Variants in DAB2 observed in about 807,000 individuals in gnomAD.
The protein encoded by DAB2 is disabled homolog 2.
A neutral mutation model predicts 71.6 loss-of-function variants in DAB2; 28 were observed. That is an observed-to-expected ratio of 0.39 (90% confidence interval 0.29 to 0.54). DAB2 has a LOEUF of 0.54. Ranked by LOEUF, DAB2 falls within the 20% of genes least tolerant of loss-of-function variation. DAB2 has a pLI of 0.68. For synonymous variants in DAB2, 345 were observed against 339.7 expected (o/e 1.02, Z -0.17); for missense variants, 867 against 928.8 (o/e 0.93, Z 0.86).
chr5:39,389,420 C>T (rs62358400), intron 6 of DAB2, among the ~76,000 whole-genome samples: 3,891 of 152,204 alleles, frequency 0.026, 70 homozygotes, highest in South Asian at 0.07. Context: ...GTATCCATTG[C>T]CCTATTGGGA....
intron 1 of DAB2, among the ~76,000 whole-genome samples, chr5:39,398,785 A>G (rs978742937): frequency 6.6e-6 from 1 of 152,202 alleles, no homozygotes; most frequent in African/African-American, 2.4e-5. Flanking sequence ...AGGTTTAAAG[A>G]GCACGTCCCC....
chr5:39,388,775 C>T (rs1755155391), intron 8 of DAB2, 24 bp downstream of exon 8: 2 of 1,600,654 alleles, frequency 1.2e-6, no homozygotes, highest in East Asian at 4.5e-5. Flanking sequence ...TAAGAACTGT[C>T]AAACGTCACA....
Position 39,388,865 on chromosome 5 carries a change from C to G in DAB2, c.571-13G>C, listed in dbSNP as rs2548573. On this transcript the variant is annotated splice_polypyrimidine_tract_variant and intron_variant, in intron 7 of 14. Coordinates refer to ENST00000320816, the MANE Select transcript of DAB2 (RefSeq NM_001343.4). The stretch of plus-strand genomic sequence containing the variant: ...CCTCACTCCCATTCTGAAAAGATAG[C>G]AAATATTTAAGGATTTAGTTGAGCT... 1 of 1,608,144 alleles carries G rather than the reference C, an allele frequency of 6.2e-7. No homozygotes were observed. Among genetic ancestry groups the G allele is most frequent in the Non-Finnish European group, 8.5e-7 (1 of 1,174,772 alleles).
chr5:39,404,127 T>C (rs1755558555), intron 1 of DAB2, among the ~76,000 whole-genome samples: 1 of 151,786 alleles, frequency 6.6e-6, no homozygotes, highest in South Asian at 2.1e-4. Context: ...TTTATAATCC[T>C]TTGGGTATAT....
Position 39,376,113 on chromosome 5 carries a change from G to A in DAB2, c.2138-7C>T. 2 of 1,611,196 alleles carry A rather than the reference G, an allele frequency of 1.2e-6. No homozygotes were observed. Among genetic ancestry groups the A allele is most frequent in the Middle Eastern group, 1.7e-4 (1 of 6,052 alleles). Reference sequence around the variant, plus strand: ...GGAGCTGGCTTTGGTGGTTCTAGAAGGTAAAAAATCCAGGCAATCAGTAGA... The same window carrying A: ...GGAGCTGGCTTTGGTGGTTCTAGAAAGTAAAAAATCCAGGCAATCAGTAGA... On this transcript the variant is annotated splice_polypyrimidine_tract_variant and splice_region_variant and intron_variant, in intron 12 of 14. Coordinates refer to ENST00000320816, the MANE Select transcript of DAB2 (RefSeq NM_001343.4).
chr5:39,409,225 A>G (rs1755669553), intron 1 of DAB2, among the ~76,000 whole-genome samples: 1 of 152,170 alleles, frequency 6.6e-6, no homozygotes, highest in Non-Finnish European at 1.5e-5. Context: ...TAAAGTTCAC[A>G]TCTGTCATTA....
chr5:39,402,152 A>T (rs1036229500), intron 1 of DAB2, among the ~76,000 whole-genome samples: 10 of 152,106 alleles, frequency 6.6e-5, no homozygotes, highest in African/African-American at 2.4e-4. Context: ...TGCCCCCATG[A>T]TTCAATTACC....
intron 1 of DAB2, among the ~76,000 whole-genome samples, chr5:39,404,365 G>A (rs1391868678): frequency 6.8e-6 from 1 of 146,036 alleles, no homozygotes; most frequent in African/African-American, 2.5e-5. Context: ...TGCACATTGT[G>A]CACATGTACC....
At chr5:39,412,682 A>G (rs1755758763) in intron 1 of DAB2, among the ~76,000 whole-genome samples, 1 of 152,098 alleles carries the variant, frequency 6.6e-6, no homozygotes, top group African/African-American at 2.4e-5. Context: ...AGTTAAATTT[A>G]CCTAATGTTT....
chr5:39,417,595 ACT>A (rs996054031), intron 1 of DAB2: 4 of 151,982 alleles, frequency 2.6e-5, no homozygotes, highest in African/African-American at 7.3e-5. Context: ...TCCACACAAC[ACT>A]CTGTACCACT....
intron 2 of DAB2, among the ~76,000 whole-genome samples, chr5:39,393,889 G>T (rs1755294259): frequency 6.6e-6 from 1 of 152,124 alleles, no homozygotes; most frequent in Non-Finnish European, 1.5e-5. Context: ...GGTCTGTGTA[G>T]TCCCATTCCC....
chr5:39,404,950 A>C (rs974964704), intron 1 of DAB2, among the ~76,000 whole-genome samples: 2 of 152,220 alleles, frequency 1.3e-5, no homozygotes, highest in African/African-American at 4.8e-5. Flanking sequence ...AGAAGTATTA[A>C]GGTTATGATC....
intron 9 of DAB2, chr5:39,387,680 C>G (rs1226895577): frequency 9.2e-6 from 1 of 109,208 alleles, no homozygotes; most frequent in African/African-American, 3.6e-5. Flanking sequence ...GACCTCTTTC[C>G]TTTTTATTTT....
chr5:39,376,037 T>A lies in DAB2; in HGVS notation c.2207A>T (p.Asn736Ile). The A allele has an allele frequency of 6.2e-7, 1 of 1,614,038 alleles. No individual in the cohort carries two copies. The highest frequency in any genetic ancestry group is 8.5e-7 in the Non-Finnish European group (1 of 1,179,962). ...VTKSTDNAFE[N>I]PFFKDSFGSS... ...ACCAAAAGAATCTTTAAAGAAAGGG[T>A]TCTCAAATGCATTGTCAGTAGATTT... Residue 736 changes from asparagine to isoleucine, a missense_variant, in exon 13 of 15, where the codon AAC becomes ATC. Asn to Ile is a moderately radical substitution (Grantham distance 149). Around this residue, in one of 2 missense-constraint regions of DAB2, gnomAD observed 740 missense variants for 734.3 expected, o/e 1.01. Transcript: ENST00000320816.
Position 39,383,052 on chromosome 5 carries a change from G to A in DAB2, c.907C>T (p.Pro303Ser), listed in dbSNP as rs1181937725. The change falls in exon 10 of 15, where the codon CCA (proline) becomes TCA (serine). Residue 303 changes from proline to serine, a missense_variant. Physicochemically the swap from Pro to Ser is moderately conservative, Grantham distance 74. This residue lies in a region of DAB2 where 740 missense variants were observed against 734.3 expected (regional missense o/e 1.01). Coordinates refer to ENST00000320816, the MANE Select transcript of DAB2 (RefSeq NM_001343.4). Reference sequence around the variant, plus strand: ...AACGAAGAAGGTGTCGATTGGTCTGGCTGTGTGAAAGGATCGTCACGGAAA... The same window carrying A: ...AACGAAGAAGGTGTCGATTGGTCTGACTGTGTGAAAGGATCGTCACGGAAA... Reference protein sequence around the residue: ...DPFRDDPFTQPDQSTPSSFDS... With the variant: ...DPFRDDPFTQSDQSTPSSFDS... The A allele has an allele frequency of 6.2e-7, 1 of 1,613,994 alleles. No individual in the cohort carries two copies. The highest frequency in any genetic ancestry group is 8.5e-7 in the Non-Finnish European group (1 of 1,180,020).
At chr5:39,414,817 T>C (rs535380097) in intron 1 of DAB2, among the ~76,000 whole-genome samples, 9 of 152,276 alleles carry the variant, frequency 5.9e-5, no homozygotes, top group Admixed American at 5.9e-4. Context: ...ATTGATGTTG[T>C]AAATGAAAGT....
intron 7 of DAB2, 119 bp downstream of exon 7, chr5:39,388,978 T>C: frequency 1.5e-6 from 2 of 1,309,992 alleles, no homozygotes; most frequent in Non-Finnish European, 2.2e-6. Context: ...TCTTTCATGA[T>C]CAGAGAAGTC....
intron 4 of DAB2, among the ~76,000 whole-genome samples, chr5:39,392,036 T>A (rs1222614792): frequency 1.4e-5 from 2 of 147,696 alleles, no homozygotes; most frequent in Non-Finnish European, 3.0e-5. Flanking sequence ...TATATTTTAA[T>A]GTATATTTGT....
At chr5:39,390,324 G>T in intron 5 of DAB2, 120 bp downstream of exon 5, 1 of 1,259,900 alleles carries the variant, frequency 7.9e-7, no homozygotes, top group Non-Finnish European at 1.1e-6. Flanking sequence ...GTCATTCTCG[G>T]AATTATTATT....
Sources: allele counts gnomAD v4.1 joint callset (sites outside exome capture counted in the v4.1 genomes callset), GRCh38; gene constraint gnomAD v4.1.1; regional missense constraint gnomAD v4.1.1; transcripts MANE v1.5; gene names NCBI Gene and HGNC (gene_info 2026-07-23, HGNC 2026-07-21).